Variants in TECRL observed in about 807,000 individuals in gnomAD.
The protein encoded by TECRL is trans-2,3-enoyl-CoA reductase like.
Under a neutral mutation model 52.8 loss-of-function variants are expected in TECRL, and 63 were observed. The observed-to-expected ratio is 1.19, with a 90% CI of 0.97 to 1.47. The LOEUF is 1.47. Among genes scored for constraint, TECRL ranks in the 40% most tolerant of loss-of-function variants. The pLI is 0.00. For missense variants in TECRL, 482 were observed against 429.6 expected (o/e 1.12, Z -1.08); for synonymous variants, 164 against 141.9 (o/e 1.16, Z -1.10).
intron 2 of TECRL, among the ~76,000 whole-genome samples, chr4:64,333,059 A>G (rs567469515): frequency 6.6e-6 from 1 of 152,176 alleles, no homozygotes; most frequent in Non-Finnish European, 1.5e-5. Flanking sequence ...ATATTGATAT[A>G]TAATTAAAGA....
chr4:64,383,406 G>T (rs1201872437), intron 1 of TECRL, among the ~76,000 whole-genome samples: 1 of 151,784 alleles, frequency 6.6e-6, no homozygotes, highest in African/African-American at 2.4e-5. Context: ...ATATTTGGTT[G>T]CTTTATGATG....
At chr4:64,406,557 ATAT>A (rs1724742235) in intron 1 of TECRL, among the ~76,000 whole-genome samples, 1 of 152,018 alleles carries the variant, frequency 6.6e-6, no homozygotes, top group African/African-American at 2.4e-5. Context: ...AATTTTGTCC[ATAT>A]TATGGTCAAA....
chr4:64,387,841 T>C (rs963422558), intron 1 of TECRL, among the ~76,000 whole-genome samples: 1 of 151,960 alleles, frequency 6.6e-6, no homozygotes, highest in Non-Finnish European at 1.5e-5. Context: ...TTTTTAAATG[T>C]TGGACTAGTC....
intron 8 of TECRL, among the ~76,000 whole-genome samples, chr4:64,294,135 T>G (rs748029704): frequency 2.6e-5 from 4 of 151,530 alleles, no homozygotes; most frequent in Non-Finnish European, 5.9e-5. Context: ...TACAGGTGCA[T>G]GCCACCACGC....
chr4:64,285,372 C>G (rs1313037606), intron 9 of TECRL, among the ~76,000 whole-genome samples: 4 of 152,178 alleles, frequency 2.6e-5, no homozygotes, highest in Non-Finnish European at 5.9e-5. Context: ...GGTTCTCATT[C>G]CTTGCCTCTT....
chr4:64,304,949 T>C (rs1724240744), intron 7 of TECRL: 2 of 352,534 alleles, frequency 5.7e-6, no homozygotes, highest in Admixed American at 4.3e-5. Context: ...TACAACCTAC[T>C]AATATTTTTG....
At chr4:64,330,999 T>A (rs1718598562) in intron 2 of TECRL, among the ~76,000 whole-genome samples, 1 of 152,044 alleles carries the variant, frequency 6.6e-6, no homozygotes, top group African/African-American at 2.4e-5. Flanking sequence ...TAGGAAATAA[T>A]CAAGAACCTG....
intron 1 of TECRL, among the ~76,000 whole-genome samples, chr4:64,401,786 A>T (rs1560562843): frequency 6.6e-6 from 1 of 152,138 alleles, no homozygotes; most frequent in Admixed American, 6.5e-5. Flanking sequence ...TTTAAGCTTT[A>T]TGTATGTTTT....
At chr4:64,341,027 C>G (rs959786656) in intron 2 of TECRL, among the ~76,000 whole-genome samples, 6 of 152,130 alleles carry the variant, frequency 3.9e-5, no homozygotes, top group African/African-American at 1.2e-4. Context: ...GCAGGACCTC[C>G]TCTCTGCTGA....
In TECRL at chr4:64,277,702, T is replaced by A. The variant is rs574423620; in HGVS notation, c.*2370A>T. The A allele has an allele frequency of 6.6e-6, 1 of 151,790 alleles. No individual in the cohort carries two copies. Among genetic ancestry groups the A allele is most frequent in the Non-Finnish European group, 1.5e-5 (1 of 67,760 alleles). The allele number at this position is 151,790 out of a possible 1,614,324, so 9.4% of individuals were successfully genotyped here. A position where few individuals can be genotyped will look rare whatever the true frequency, so the allele number is the denominator to read the frequency against. On this transcript the variant is annotated 3_prime_UTR_variant, in exon 12 of 12. Coordinates refer to ENST00000381210, the MANE Select transcript of TECRL (RefSeq NM_001010874.5). The stretch of plus-strand genomic sequence containing the variant: ...TCATATATGCATATAATCTAAGAGC[T>A]TTAATGAACATATTTTATAACATAT...
rs1368180606 is a variant in TECRL, at chr4:64,278,776, C to T, written c.*1296G>A. 6.6e-6 allele frequency: 1 copy of T among 152,262 alleles called. No individual in the cohort carries two copies. Among genetic ancestry groups the T allele is most frequent in the East Asian group, 1.9e-4 (1 of 5,184 alleles). The allele number at this position is 152,262 out of a possible 1,614,324, so 9.4% of individuals were successfully genotyped here. On this transcript the variant is annotated 3_prime_UTR_variant, in exon 12 of 12. Transcript: ENST00000381210. ...TCTAGTCTCCCTTTGCTGCAGCTTTCCCAGCCTGTAGTATCCTCTGTTTTA... is the reference window on the plus strand; with the variant it reads ...TCTAGTCTCCCTTTGCTGCAGCTTTTCCAGCCTGTAGTATCCTCTGTTTTA...
intron 1 of TECRL, among the ~76,000 whole-genome samples, chr4:64,406,129 A>G (rs1049167299): frequency 8.8e-5 from 13 of 147,284 alleles, no homozygotes; most frequent in African/African-American, 3.2e-4. Context: ...AGGCAAGAGA[A>G]AGCTTTTTTA....
At chr4:64,345,263 G>A (rs1447072056) in intron 2 of TECRL, among the ~76,000 whole-genome samples, 1 of 152,048 alleles carries the variant, frequency 6.6e-6, no homozygotes, top group Non-Finnish European at 1.5e-5. Flanking sequence ...TGTGTTTATT[G>A]CGGCACTATT....
At position 64,278,398 on chromosome 4, in the gene TECRL, T is replaced by G. The variant is rs2109916131; in HGVS notation, c.*1674A>C. On this transcript the variant is annotated 3_prime_UTR_variant, in exon 12 of 12. Transcript: ENST00000381210. Reference sequence around the variant, plus strand: ...TAAAAGAATTAAATTATTGTCAAAATAATGAGATTCAAGTAATTTAAATGT... The same window carrying G: ...TAAAAGAATTAAATTATTGTCAAAAGAATGAGATTCAAGTAATTTAAATGT... The G allele has an allele frequency of 4.1e-6, 1 of 246,106 alleles. No homozygotes were observed. Among genetic ancestry groups the G allele is most frequent in the Non-Finnish European group, 6.5e-6 (1 of 154,180 alleles). 15.2% of individuals were successfully genotyped at this position (246,106 alleles called of 1,614,324 possible). A position where few individuals can be genotyped will look rare whatever the true frequency, so the allele number is the denominator to read the frequency against.
chr4:64,368,036 A>G (rs930527230), intron 2 of TECRL, among the ~76,000 whole-genome samples: 4 of 152,064 alleles, frequency 2.6e-5, no homozygotes, highest in Admixed American at 6.6e-5. Context: ...AAAGCCACAT[A>G]TACTATGAAA....
chr4:64,339,284 G>T (rs1577898530), intron 2 of TECRL, among the ~76,000 whole-genome samples: 1 of 115,644 alleles, frequency 8.6e-6, no homozygotes, highest in East Asian at 3.2e-4. Flanking sequence ...GGCCTGTTGT[G>T]GGGTGGGGGG....
chr4:64,313,322 C>G (rs748922282), intron 5 of TECRL, among the ~76,000 whole-genome samples: 12 of 150,182 alleles, frequency 8.0e-5, no homozygotes, highest in Non-Finnish European at 1.3e-4. Context: ...CAACAAATTT[C>G]CCTCCCCAGA....
At chr4:64,364,834 G>A (rs777373263) in intron 2 of TECRL, among the ~76,000 whole-genome samples, 4 of 148,840 alleles carry the variant, frequency 2.7e-5, no homozygotes, top group South Asian at 2.2e-4. Flanking sequence ...CTTTCAAAAC[G>A]AACTGGCACC....
Position 64,358,179 on chromosome 4 carries a change from G to GT in TECRL, c.286+16992dup, listed in dbSNP as rs1472915593. On this transcript the variant is annotated intron_variant, in intron 2 of 11. Coordinates refer to ENST00000381210, the MANE Select transcript of TECRL (RefSeq NM_001010874.5). ...TAAAATTCAGCGATGTATGCTAAAC[G>GT]TTAAAATGAGCTTATTTATGACAGC... Among the ~76,000 whole-genome samples the GT allele has an allele frequency of 3.3e-5, 5 of 151,616 alleles. No homozygotes were observed. The South Asian group carries it at 1.0e-3, about 31-fold the overall frequency.
Sources: allele counts gnomAD v4.1 joint callset (sites outside exome capture counted in the v4.1 genomes callset), GRCh38; gene constraint gnomAD v4.1.1; transcripts MANE v1.5; gene names NCBI Gene and HGNC (gene_info 2026-07-23, HGNC 2026-07-21).